Variants in MKLN1 observed in about 807,000 individuals in gnomAD.
MKLN1 encodes the protein muskelin 1.
A neutral mutation model predicts 99.0 loss-of-function variants in MKLN1; 18 were observed. That is an observed-to-expected ratio of 0.18 (90% confidence interval 0.13 to 0.27). The LOEUF (loss-of-function observed/expected upper bound fraction) is 0.27, where lower values mean the gene tolerates loss of function less well. Ranked by LOEUF, MKLN1 falls within the 10% of genes least tolerant of loss-of-function variation. The probability of loss-of-function intolerance (pLI) is 1.00; values close to 1 mark genes in which losing one functional copy is unlikely to be tolerated. For synonymous variants in MKLN1, 288 were observed against 293.2 expected (o/e 0.98, Z 0.18); for missense variants, 621 against 875.9 (o/e 0.71, Z 3.67).
At chr7:131,233,179 A>C (rs1050877790) in intron 3 of MKLN1, among the ~76,000 whole-genome samples, 2 of 152,026 alleles carry the variant, frequency 1.3e-5, no homozygotes, top group African/African-American at 4.8e-5. Context: ...GTCTTGGCAA[A>C]AAACAAACAA....
At chr7:131,284,288 C>T (rs1246322496) in intron 3 of MKLN1, among the ~76,000 whole-genome samples, 5 of 152,186 alleles carry the variant, frequency 3.3e-5, no homozygotes, top group Admixed American at 6.5e-5. Flanking sequence ...TTCTAACCAA[C>T]GCTGTCAAGT....
At chr7:131,247,408 G>A (rs1797508697) in intron 3 of MKLN1, among the ~76,000 whole-genome samples, 1 of 151,860 alleles carries the variant, frequency 6.6e-6, no homozygotes, top group African/African-American at 2.4e-5. Context: ...TAGAGATGGG[G>A]TTTCACCATG....
intron 1 of MKLN1, among the ~76,000 whole-genome samples, chr7:131,370,628 AG>A (rs1165517872): frequency 6.6e-6 from 1 of 152,014 alleles, no homozygotes; most frequent in Non-Finnish European, 1.5e-5. Flanking sequence ...TTCCTGTGTT[AG>A]GTTTCTGTGG....
Position 131,487,651 on chromosome 7 carries a change from T to C in MKLN1, c.2131T>C (p.Phe711Leu). The change falls in exon 18 of 18, where the codon TTT becomes CTT. Residue 711 changes from phenylalanine to leucine, a missense_variant. By Grantham distance (22) the Phe-to-Leu change is conservative. Transcript: ENST00000352689. This position sits in a 1 kb window ranked among gnomAD's most constrained non-coding sequence, Gnocchi z 4.7. ...DHTYAQRTQLFDTLVNFFPDS... is the reference protein window; with the variant it reads ...DHTYAQRTQLLDTLVNFFPDS... Reference sequence around the variant, plus strand: ...CACCTATGCTCAAAGAACTCAGCTCTTTGACACCTTAGTAAATTTCTTTCC... The same window carrying C: ...CACCTATGCTCAAAGAACTCAGCTCCTTGACACCTTAGTAAATTTCTTTCC... 1 of 1,613,126 alleles carries C rather than the reference T, an allele frequency of 6.2e-7. No individual in the cohort carries two copies. Among genetic ancestry groups the C allele is most frequent in the Non-Finnish European group, 8.5e-7 (1 of 1,179,398 alleles).
chr7:131,175,373 T>C (rs535701398), intron 2 of MKLN1, among the ~76,000 whole-genome samples: 1 of 152,294 alleles, frequency 6.6e-6, no homozygotes, highest in African/African-American at 2.4e-5. Context: ...AAATAATATT[T>C]ATGAGTGCAG....
chr7:131,192,126 T>C (rs1796559917), intron 2 of MKLN1, among the ~76,000 whole-genome samples: 1 of 86,134 alleles, frequency 1.2e-5, no homozygotes, highest in African/African-American at 5.2e-5. Context: ...TATACGTATA[T>C]ATATAAAAAT....
intron 10 of MKLN1, among the ~76,000 whole-genome samples, chr7:131,440,127 G>A (rs1795796490): frequency 6.6e-6 from 1 of 152,156 alleles, no homozygotes; most frequent in African/African-American, 2.4e-5. Context: ...ACCCAGGGCA[G>A]CCACTAGAAG....
chr7:131,180,381 A>G (rs1299136065), intron 2 of MKLN1, among the ~76,000 whole-genome samples: 1 of 152,208 alleles, frequency 6.6e-6, no homozygotes, highest in African/African-American at 2.4e-5. Context: ...GGAACAATAT[A>G]AAAGAAGAAA....
At chr7:131,337,315 C>T (rs1160224731) in intron 1 of MKLN1, among the ~76,000 whole-genome samples, 4 of 152,012 alleles carry the variant, frequency 2.6e-5, no homozygotes, top group Non-Finnish European at 5.9e-5. Context: ...ATTTTTGTCT[C>T]CTTTGCTCTG....
At chr7:131,224,668 G>A (rs945627337) in intron 3 of MKLN1, among the ~76,000 whole-genome samples, 4 of 152,180 alleles carry the variant, frequency 2.6e-5, no homozygotes, top group Middle Eastern at 3.4e-3. Flanking sequence ...CTTGAACCCA[G>A]GAGTTGGAGG....
intron 3 of MKLN1, among the ~76,000 whole-genome samples, chr7:131,276,428 T>C (rs1321611713): frequency 6.6e-6 from 1 of 152,086 alleles, no homozygotes. Context: ...GCACAGCAAG[T>C]GCATAACCAG....
intron 1 of MKLN1, among the ~76,000 whole-genome samples, chr7:131,343,187 T>G (rs571025344): frequency 6.6e-6 from 1 of 152,360 alleles, no homozygotes; most frequent in South Asian, 2.1e-4. Context: ...TTTGCATTTC[T>G]TGAATGTAGG....
chr7:131,256,034 T>C (rs192098104), intron 3 of MKLN1, among the ~76,000 whole-genome samples: 6 of 152,028 alleles, frequency 3.9e-5, no homozygotes, highest in Non-Finnish European at 7.4e-5. Context: ...GCCTCCCAAG[T>C]AGCTGGGACT....
chr7:131,202,146 C>CTTTT lies in MKLN1; in HGVS notation c.-296-682_-296-679dup, dbSNP rs58800874. ...GGTTTCTCCACTTTGGCACTATTGACTTTTTTTTTTTTTTTTTTTTTTTTT... is the reference window on the plus strand; with the variant it reads ...GGTTTCTCCACTTTGGCACTATTGACTTTTTTTTTTTTTTTTTTTTTTTTTTTTT... On this transcript the variant is annotated intron_variant, in intron 2 of 7. Transcript: ENST00000416992. Among the ~76,000 whole-genome samples, 214 of 60,270 alleles carry CTTTT rather than the reference C, an allele frequency of 3.6e-3. 13 individuals are homozygous for CTTTT. Among genetic ancestry groups the CTTTT allele is most frequent in the Non-Finnish European group, 4.7e-3 (148 of 31,390 alleles). The allele number at this position is 60,270 out of a possible 152,430, so 39.5% of individuals were successfully genotyped here.
intron 3 of MKLN1, among the ~76,000 whole-genome samples, chr7:131,212,209 C>A (rs1330042339): frequency 6.6e-6 from 1 of 152,212 alleles, no homozygotes; most frequent in Non-Finnish European, 1.5e-5. Context: ...AACTTCTCAG[C>A]TCTATCCAGG....
At position 131,489,451 on chromosome 7, in the gene MKLN1, A is replaced by G. The variant is rs550804318; in HGVS notation, c.*1723A>G. On this transcript the variant is annotated 3_prime_UTR_variant, in exon 18 of 18. Transcript: ENST00000352689. ...CCAGTCAAGTAAATACAGTTTGCTT[A>G]CATACTTCAACAGTTTCATAAAACG... 6.6e-6 allele frequency: 1 copy of G among 152,294 alleles called. No homozygotes were observed. Among genetic ancestry groups the G allele is most frequent in the Admixed American group, 6.5e-5 (1 of 15,276 alleles). 9.4% of individuals were successfully genotyped at this position (152,294 alleles called of 1,614,324 possible).
At chr7:131,353,700 C>T (rs190786049) in intron 1 of MKLN1, among the ~76,000 whole-genome samples, 429 of 151,544 alleles carry the variant, frequency 2.8e-3, no homozygotes, top group Non-Finnish European at 4.5e-3. Flanking sequence ...AGTCCTAGAC[C>T]GTGAAGATTT....
chr7:131,487,494 T>G lies in MKLN1; in HGVS notation c.2087-113T>G, dbSNP rs1426310336. 8.1e-7 allele frequency: 1 copy of G among 1,230,954 alleles called. No individual in the cohort carries two copies. The highest frequency in any genetic ancestry group is 1.1e-6 in the Non-Finnish European group (1 of 888,782). 76.3% of individuals were successfully genotyped at this position (1,230,954 alleles called of 1,614,324 possible). A position where few individuals can be genotyped will look rare whatever the true frequency, so the allele number is the denominator to read the frequency against. On this transcript the variant is annotated intron_variant, in intron 17 of 17. Transcript: ENST00000352689. This position sits in a 1 kb window ranked among gnomAD's most constrained non-coding sequence, Gnocchi z 4.7. ...GTCAGATCAGTAGTGTCTGCCTGGTTTTGAAGCCTGATTTGATTTCTCCAT... is the reference window on the plus strand; with the variant it reads ...GTCAGATCAGTAGTGTCTGCCTGGTGTTGAAGCCTGATTTGATTTCTCCAT...
Position 131,399,295 on chromosome 7 carries a change from T to C in MKLN1, c.565T>C (p.Tyr189His). Residue 189 changes from tyrosine to histidine, a missense_variant, in exon 6 of 18, where the codon TAT becomes CAT. Tyr to His is a moderately conservative substitution (Grantham distance 83). Transcript: ENST00000352689. Reference sequence around the variant, plus strand: ...CCTAAAACACTTCAGACAACACAACTATACAGAAGCTTTTGAGTCACTGCA... The same window carrying C: ...CCTAAAACACTTCAGACAACACAACCATACAGAAGCTTTTGAGTCACTGCA... ...LCLKHFRQHN[Y>H]TEAFESLQKK... 1 of 1,613,994 alleles carries C rather than the reference T, an allele frequency of 6.2e-7. No homozygotes were observed. The highest frequency in any genetic ancestry group is 8.5e-7 in the Non-Finnish European group (1 of 1,179,944).
Sources: gnomAD v4.1 joint callset for allele counts (sites outside exome capture counted in the v4.1 genomes callset) on GRCh38, gnomAD v4.1.1 for gene constraint, Gnocchi (gnomAD v3.1) non-coding constraint, MANE v1.5 for transcripts, NCBI Gene and HGNC (gene_info 2026-07-23, HGNC 2026-07-21) for gene names.